Variants in PPP4R1 observed in about 807,000 individuals in gnomAD.
PPP4R1 encodes the protein protein phosphatase 4 regulatory subunit 1.
In PPP4R1, 42 loss-of-function variants were observed where a neutral mutation model predicts 111.2. That is an observed-to-expected ratio of 0.38 (90% CI 0.29 to 0.49). The LOEUF (loss-of-function observed/expected upper bound fraction) is 0.49. Ranked by LOEUF, PPP4R1 falls within the 20% of genes least tolerant of loss-of-function variation. The pLI, the probability that PPP4R1 is intolerant of heterozygous loss-of-function variation, is 0.97. For missense variants in PPP4R1, 1,012 were observed against 1,161.6 expected (o/e 0.87, Z 1.87); for synonymous variants, 409 against 405.5 (o/e 1.01, Z -0.10).
rs1218853321 is a variant in PPP4R1, at chr18:9,570,143, A to AT, written c.1573+13dup. ...AATCAATTTCAGAATAAATAACTTG[A>AT]TTGACTTCCATACCTTTAACATCTG... On this transcript the variant is annotated intron_variant, in intron 11 of 19. Coordinates refer to ENST00000400556, the MANE Select transcript of PPP4R1 (RefSeq NM_001042388.3). The AT allele has an allele frequency of 6.7e-7, 1 of 1,483,242 alleles. No individual in the cohort carries two copies. Among genetic ancestry groups the AT allele is most frequent in the African/African-American group, 1.4e-5 (1 of 70,630 alleles). The allele number at this position is 1,483,242 out of a possible 1,614,324, so 91.9% of individuals were successfully genotyped here.
intron 2 of PPP4R1, among the ~76,000 whole-genome samples, chr18:9,607,911 T>C (rs1010603264): frequency 1.3e-5 from 2 of 151,422 alleles, no homozygotes; most frequent in African/African-American, 4.9e-5. Context: ...GCCTCCCGAG[T>C]AGCTAGGATT....
At position 9,557,310 on chromosome 18, in the gene PPP4R1, C is replaced by T; in HGVS notation, c.2101G>A (p.Ala701Thr). ...AVILGDQLTA[A>T]DLVPIFNGFL... is the part of the protein sequence containing the mutation. ...CCATTAAAAATTGGAACCAGATCTG[C>T]AGCTGTCAATTGATCTCCAAGAATA... The change falls in exon 15 of 20, where the codon GCA becomes ACA. Residue 701 changes from alanine to threonine, a missense_variant. By Grantham distance (58) the Ala-to-Thr change is moderately conservative. Around this residue, in one of 2 missense-constraint regions of PPP4R1, gnomAD observed 305 missense variants for 419.5 expected, o/e 0.73. Transcript: ENST00000400556. The T allele has an allele frequency of 6.2e-7, 1 of 1,613,070 alleles. No individual in the cohort carries two copies. The highest frequency in any genetic ancestry group is 8.5e-7 in the Non-Finnish European group (1 of 1,179,590).
intron 13 of PPP4R1, among the ~76,000 whole-genome samples, chr18:9,561,286 TACAG>T (rs561194031): frequency 8.6e-4 from 130 of 151,220 alleles, no homozygotes; most frequent in Non-Finnish European, 1.6e-3. Context: ...AAACAACACG[TACAG>T]ACAGTCATGG....
At chr18:9,593,706 AAC>A in intron 4 of PPP4R1, 60 bp downstream of exon 4, 1 of 1,429,728 alleles carries the variant, frequency 7.0e-7, no homozygotes, top group Non-Finnish European at 9.8e-7. Context: ...AGTTTTTAGA[AAC>A]ACAAATTTGA....
In PPP4R1 at chr18:9,614,453, GC is replaced by G; in HGVS notation, c.7+24del. ...CGGGTGGGCTCGAGGAGCCGCCGCC[GC>G]CCGGAGAACAGGGGGCCACGTACCC... On this transcript the variant is annotated intron_variant, in intron 1 of 19. Transcript: ENST00000400556. This position sits in a 1 kb window ranked among gnomAD's most constrained non-coding sequence, Gnocchi z 4.1. 9.8e-7 allele frequency: 1 copy of G among 1,023,032 alleles called. No homozygotes were observed. Among genetic ancestry groups the G allele is most frequent in the Non-Finnish European group, 1.2e-6 (1 of 855,730 alleles). 63.4% of individuals were successfully genotyped at this position (1,023,032 alleles called of 1,614,324 possible).
chr18:9,557,304 G>C lies in PPP4R1; in HGVS notation c.2107C>G (p.Leu703Val), dbSNP rs764207152. The change falls in exon 15 of 20, where the codon CTG (leucine) becomes GTG (valine). Residue 703 changes from leucine to valine, a missense_variant. Leu to Val is a conservative substitution (Grantham distance 32, BLOSUM62 1). Coordinates refer to ENST00000400556, the MANE Select transcript of PPP4R1 (RefSeq NM_001042388.3). ...AAAAATCCATTAAAAATTGGAACCA[G>C]ATCTGCAGCTGTCAATTGATCTCCA... Reference protein sequence around the residue: ...ILGDQLTAADLVPIFNGFLKD... With the variant: ...ILGDQLTAADVVPIFNGFLKD... The C allele has an allele frequency of 6.2e-7, 1 of 1,613,126 alleles. No homozygotes were observed. The highest frequency in any genetic ancestry group is 8.5e-7 in the Non-Finnish European group (1 of 1,179,590).
intron 10 of PPP4R1, among the ~76,000 whole-genome samples, chr18:9,576,533 T>G (rs2066938191): frequency 6.6e-6 from 1 of 152,178 alleles, no homozygotes; most frequent in Non-Finnish European, 1.5e-5. Flanking sequence ...TACTTAAAAC[T>G]GATATACTGG....
At chr18:9,554,271 G>T (rs1026595620) in intron 15 of PPP4R1, among the ~76,000 whole-genome samples, 1 of 151,904 alleles carries the variant, frequency 6.6e-6, no homozygotes, top group South Asian at 2.1e-4. Flanking sequence ...GGGACTACAG[G>T]CGCATGCCAC....
At chr18:9,560,173 G>A (rs1281767989) in intron 13 of PPP4R1, among the ~76,000 whole-genome samples, 4 of 152,156 alleles carry the variant, frequency 2.6e-5, no homozygotes, top group East Asian at 3.9e-4. Context: ...CCAGATACTC[G>A]GGAGGCTGAG....
intron 3 of PPP4R1, chr18:9,594,087 C>T (rs1025055389): frequency 2.3e-6 from 1 of 430,000 alleles, no homozygotes; most frequent in East Asian, 4.1e-5. Flanking sequence ...ACCACCACAC[C>T]TGGCTAATTT....
intron 2 of PPP4R1, among the ~76,000 whole-genome samples, chr18:9,596,548 TAAGTATTTTTGA>T (rs2067293101): frequency 6.6e-6 from 1 of 152,338 alleles, no homozygotes; most frequent in Admixed American, 6.5e-5. Flanking sequence ...AGTAAGCATT[TAAGTATTTTTGA>T]AACAAATAAA....
chr18:9,561,026 T>C (rs2066665762), intron 13 of PPP4R1, among the ~76,000 whole-genome samples: 2 of 151,680 alleles, frequency 1.3e-5, no homozygotes, highest in Admixed American at 1.3e-4. Flanking sequence ...ATGACCAGCC[T>C]GGCCAACACG....
chr18:9,579,482 CT>C (rs1025665414), intron 9 of PPP4R1, among the ~76,000 whole-genome samples: 1 of 150,922 alleles, frequency 6.6e-6, no homozygotes, highest in South Asian at 2.1e-4. Context: ...ACTATCTTGT[CT>C]TTTTTTTGCA....
intron 14 of PPP4R1, 32 bp downstream of exon 14, chr18:9,559,387 C>T (rs370843702): frequency 7.5e-5 from 118 of 1,567,444 alleles, no homozygotes; most frequent in Non-Finnish European, 8.7e-5. Context: ...TCCACATGCA[C>T]GTTCTGCTAA....
intron 16 of PPP4R1, chr18:9,550,791 A>G (rs2066477015): frequency 5.5e-6 from 1 of 180,262 alleles, no homozygotes; most frequent in Non-Finnish European, 1.2e-5. Context: ...AGAGGGAGGG[A>G]GTCCACTGTG....
chr18:9,598,251 T>C (rs552994998), intron 2 of PPP4R1, among the ~76,000 whole-genome samples: 1 of 152,170 alleles, frequency 6.6e-6, no homozygotes, highest in Non-Finnish European at 1.5e-5. Context: ...ATATAAAATA[T>C]ATTTGAAGAA....
At chr18:9,593,491 A>G (rs1446539603) in intron 4 of PPP4R1, among the ~76,000 whole-genome samples, 2 of 152,126 alleles carry the variant, frequency 1.3e-5, no homozygotes, top group East Asian at 3.8e-4. Flanking sequence ...ATATATTTTT[A>G]TTAATCCTAA....
At chr18:9,569,191 G>GAAAA (rs1175501445) in intron 11 of PPP4R1, among the ~76,000 whole-genome samples, 2 of 53,280 alleles carry the variant, frequency 3.8e-5, no homozygotes, top group Admixed American at 2.1e-4. Flanking sequence ...CTCCGTCTCA[G>GAAAA]AAAAAAAAAA....
intron 15 of PPP4R1, 82 bp downstream of exon 15, chr18:9,557,137 CCT>C: frequency 7.7e-7 from 1 of 1,291,932 alleles, no homozygotes; most frequent in Non-Finnish European, 1.1e-6. Flanking sequence ...CACAAAGAAA[CCT>C]CTCTTGGTGA....
Sources: allele counts gnomAD v4.1 joint callset (sites outside exome capture counted in the v4.1 genomes callset), GRCh38; gene constraint gnomAD v4.1.1; regional missense constraint gnomAD v4.1.1; non-coding constraint Gnocchi (gnomAD v3.1); transcripts MANE v1.5; gene names NCBI Gene and HGNC (gene_info 2026-07-23, HGNC 2026-07-21).